The following UVRAG variants were observed in gnomAD, a reference collection of about 807,000 sequenced individuals.
UVRAG encodes the protein UV radiation resistance associated, also known as UV radiation resistance-associated gene protein.
A neutral mutation model predicts 78.0 loss-of-function variants in UVRAG; 19 were observed. The observed-to-expected ratio is 0.24, with a 90% confidence interval of 0.17 to 0.36. The LOEUF (loss-of-function observed/expected upper bound fraction) is 0.36, where lower values mean the gene tolerates loss of function less well. Among genes scored for constraint, UVRAG ranks in the 10% least tolerant of loss-of-function variants. UVRAG has a pLI of 1.00. For synonymous variants in UVRAG, 323 were observed against 324.6 expected, an observed-to-expected ratio of 1.00 and a Z score of 0.05; for missense variants, 740 against 853.8, an observed-to-expected ratio of 0.87 and a Z score of 1.66.
intron 13 of UVRAG, among the ~76,000 whole-genome samples, chr11:76,082,555 A>AC (rs1315249433): frequency 8.6e-5 from 13 of 151,350 alleles, no homozygotes; most frequent in African/African-American, 3.2e-4. Context: ...AAAAAAAAAA[A>AC]AAAACATAGG....
intron 7 of UVRAG, among the ~76,000 whole-genome samples, chr11:75,980,865 G>C (rs532725877): frequency 2.2e-4 from 34 of 151,942 alleles, no homozygotes; most frequent in Non-Finnish European, 3.8e-4. Flanking sequence ...ATTTTTAGTA[G>C]AGATGAGGTT....
intron 12 of UVRAG, among the ~76,000 whole-genome samples, chr11:76,061,958 G>A (rs1376392142): frequency 6.6e-6 from 1 of 152,194 alleles, no homozygotes; most frequent in African/African-American, 2.4e-5. Context: ...TCAAGCTACT[G>A]TAAATTACCA....
chr11:75,862,544 T>C (rs1258361217), intron 3 of UVRAG, among the ~76,000 whole-genome samples: 1 of 142,660 alleles, frequency 7.0e-6, no homozygotes, highest in African/African-American at 2.4e-5. Flanking sequence ...GTTCCAGGTG[T>C]ACCTCTTTCA....
intron 1 of UVRAG, among the ~76,000 whole-genome samples, chr11:75,828,774 TACACACATATATATATATATATATATATA>T (rs1565333966): frequency 1.3e-4 from 13 of 100,854 alleles, no homozygotes; most frequent in African/African-American, 4.7e-4. Flanking sequence ...TATATATATA[TACACACATATATATATATATATATATATA>T]TATTTTTTTT....
rs1160642502 is a variant in UVRAG, at chr11:75,858,665, G to A, written c.236-3081G>A. Among the ~76,000 whole-genome samples the A allele has an allele frequency of 2.0e-5, 3 of 152,208 alleles. No individual in the cohort carries two copies. In the East Asian group the frequency reaches 5.8e-4, roughly 29 times the overall value. ...AGGACAAAGAGAATGTGTACTTGAAGTTTTGGTAGATATTGCGAAATTGCC... is the reference window on the plus strand; with the variant it reads ...AGGACAAAGAGAATGTGTACTTGAAATTTTGGTAGATATTGCGAAATTGCC... On this transcript the variant is annotated intron_variant, in intron 2 of 14. Transcript: ENST00000356136.
At chr11:75,926,012 ATAGCACCCT>A (rs1948093918) in intron 6 of UVRAG, among the ~76,000 whole-genome samples, 1 of 151,728 alleles carries the variant, frequency 6.6e-6, no homozygotes, top group African/African-American at 2.4e-5. Flanking sequence ...AGACTTCCTT[ATAGCACCCT>A]TAGTCTTCCC....
intron 14 of UVRAG, among the ~76,000 whole-genome samples, chr11:76,127,496 A>G (rs563296877): frequency 1.3e-5 from 2 of 151,858 alleles, no homozygotes; most frequent in South Asian, 2.1e-4. Context: ...CTATTAATAC[A>G]GAAAGTTAGC....
chr11:75,828,701 A>G (rs1173634838), intron 1 of UVRAG, among the ~76,000 whole-genome samples: 4 of 140,786 alleles, frequency 2.8e-5, no homozygotes, highest in Admixed American at 1.4e-4. Context: ...GTGTGTGTAT[A>G]TATATATATG....
At chr11:76,133,404 C>T (rs1437655384) in intron 14 of UVRAG, among the ~76,000 whole-genome samples, 1 of 152,070 alleles carries the variant, frequency 6.6e-6, no homozygotes, top group Non-Finnish European at 1.5e-5. Flanking sequence ...GCTTTCTTAA[C>T]TTGTTTTCTC....
chr11:75,918,024 G>A (rs1219485900), intron 6 of UVRAG, among the ~76,000 whole-genome samples: 1 of 151,978 alleles, frequency 6.6e-6, no homozygotes, highest in East Asian at 1.9e-4. Flanking sequence ...ATAAACCAGT[G>A]TATCTTAAAT....
At chr11:75,950,237 T>C (rs1948664921) in intron 6 of UVRAG, among the ~76,000 whole-genome samples, 1 of 152,180 alleles carries the variant, frequency 6.6e-6, no homozygotes, top group South Asian at 2.1e-4. Context: ...TTTTTTGTGG[T>C]CATGTGCTTT....
intron 12 of UVRAG, among the ~76,000 whole-genome samples, chr11:76,065,110 G>A (rs2134380976): frequency 6.6e-6 from 1 of 152,278 alleles, no homozygotes; most frequent in Middle Eastern, 3.4e-3. Flanking sequence ...CTCCAGTGAG[G>A]CAGGTTAAAA....
intron 8 of UVRAG, 41 bp from the exon 9 acceptor site, chr11:76,003,964 C>T: frequency 1.3e-6 from 2 of 1,573,976 alleles, no homozygotes; most frequent in Non-Finnish European, 1.7e-6. Flanking sequence ...TTGAGTAATC[C>T]TATGTTACAT....
intron 13 of UVRAG, among the ~76,000 whole-genome samples, chr11:76,096,287 C>T (rs1951784287): frequency 6.6e-6 from 1 of 151,980 alleles, no homozygotes; most frequent in South Asian, 2.1e-4. Flanking sequence ...AAAATTGTAA[C>T]AGAAGTTATT....
intron 7 of UVRAG, chr11:75,979,411 A>C (rs183695995): frequency 6.6e-6 from 1 of 152,434 alleles, no homozygotes; most frequent in Non-Finnish European, 1.5e-5. Flanking sequence ...GCTGACAGAC[A>C]GGGATGTTTA....
intron 8 of UVRAG, among the ~76,000 whole-genome samples, chr11:76,003,080 A>C (rs1949848821): frequency 6.6e-6 from 1 of 151,968 alleles, no homozygotes; most frequent in Non-Finnish European, 1.5e-5. Context: ...TCTAAAAAAA[A>C]AGAAAAAAAG....
chr11:75,980,051 A>T (rs1181679221), intron 7 of UVRAG: 1 of 151,864 alleles, frequency 6.6e-6, no homozygotes, highest in Non-Finnish European at 1.5e-5. Context: ...ATTGTTTCTT[A>T]CTTAAACATT....
chr11:76,008,065 G>A (rs991707465), intron 10 of UVRAG, among the ~76,000 whole-genome samples: 33 of 151,792 alleles, frequency 2.2e-4, no homozygotes, highest in African/African-American at 7.7e-4. Context: ...CCGCCACCAC[G>A]ATGCCTGGCT....
chr11:75,879,153 C>T (rs1307188566), intron 3 of UVRAG, among the ~76,000 whole-genome samples: 1 of 152,176 alleles, frequency 6.6e-6, no homozygotes, highest in Non-Finnish European at 1.5e-5. Flanking sequence ...AATGGCCCCA[C>T]TGTTGTACAG....
Sources: gnomAD v4.1 joint callset for allele counts (sites outside exome capture counted in the v4.1 genomes callset) on GRCh38, gnomAD v4.1.1 for gene constraint, MANE v1.5 for transcripts, NCBI Gene and HGNC (gene_info 2026-07-23, HGNC 2026-07-21) for gene names.